Variants in TAPBP observed in about 807,000 individuals in gnomAD.
TAPBP encodes the protein TAP binding protein.
TAPBP carries 38 observed loss-of-function variants against 45.7 expected under a neutral mutation model. That is an observed-to-expected ratio of 0.83 (90% confidence interval 0.64 to 1.09). The LOEUF (loss-of-function observed/expected upper bound fraction) is 1.09, where lower values mean the gene tolerates loss of function less well. Among genes scored for constraint, TAPBP ranks in the 50% least tolerant of loss-of-function variants. The pLI is 0.00. For missense variants in TAPBP, 513 were observed against 587.3 expected, an observed-to-expected ratio of 0.87 and a Z score of 1.31; for synonymous variants, 226 against 254.8, an observed-to-expected ratio of 0.89 and a Z score of 1.08.
chr6:33,313,741 G>C lies in TAPBP; in HGVS notation c.161C>G (p.Pro54Arg), dbSNP rs139155669. The C allele has an allele frequency of 1.3e-4, 215 of 1,613,610 alleles. No homozygotes were observed. The African/African-American group carries it at 2.3e-3, about 17-fold the overall frequency. ...ALLLRQGPGEPPPRPDLDPEL... is the reference protein window; with the variant it reads ...ALLLRQGPGERPPRPDLDPEL... ...AGGGTCGAGGTCCGGCCGGGGCGGCGGTTCCCCCGGTCCCTGGCGCAACAG... is the reference window on the plus strand; with the variant it reads ...AGGGTCGAGGTCCGGCCGGGGCGGCCGTTCCCCCGGTCCCTGGCGCAACAG... The change falls in exon 2 of 8, where the codon CCG becomes CGG. Residue 54 changes from proline to arginine, a missense_variant. By Grantham distance (103) the Pro-to-Arg change is moderately radical. Coordinates refer to ENST00000434618, the MANE Select transcript of TAPBP (RefSeq NM_003190.5). This position sits in a 1 kb window ranked among gnomAD's most constrained non-coding sequence, Gnocchi z 7.2.
intron 3 of TAPBP, chr6:33,312,960 AC>A (rs1389356398): frequency 4.9e-6 from 2 of 405,604 alleles, no homozygotes; most frequent in Non-Finnish European, 8.6e-6. Flanking sequence ...CCAGAAAGTA[AC>A]CCCCCTGCCC....
At position 33,301,521 on chromosome 6, in the gene TAPBP, C is replaced by T. The variant is rs537349294; in HGVS notation, c.*239G>A. On this transcript the variant is annotated 3_prime_UTR_variant, in exon 8 of 8. Transcript: ENST00000434618. ...CCCAGGAGGCGGAGGTTGCAGTAAG[C>T]CAAGATCATGCCACTGCACTGCAGC... 1.9e-6 allele frequency: 1 copy of T among 527,064 alleles called. No individual in the cohort carries two copies. Among genetic ancestry groups the T allele is most frequent in the African/African-American group, 1.9e-5 (1 of 51,520 alleles). The allele number at this position is 527,064 out of a possible 1,614,324, so 32.6% of individuals were successfully genotyped here. A position where few individuals can be genotyped will look rare whatever the true frequency, so the allele number is the denominator to read the frequency against.
chr6:33,305,406 T>G lies in TAPBP; in HGVS notation c.470-19A>C. ...AGTACCACTGAGGAAGACAGGGAGA[T>G]GAGGGGTTGGGAGGGGCATGAGGGA... On this transcript the variant is annotated intron_variant, in intron 3 of 7. Coordinates refer to ENST00000434618, the MANE Select transcript of TAPBP (RefSeq NM_003190.5). This position sits in a 1 kb window ranked among gnomAD's most constrained non-coding sequence, Gnocchi z 4.4. 6.6e-7 allele frequency: 1 copy of G among 1,504,590 alleles called. No individual in the cohort carries two copies. Among genetic ancestry groups the G allele is most frequent in the Non-Finnish European group, 8.9e-7 (1 of 1,127,664 alleles). 93.2% of individuals were successfully genotyped at this position (1,504,590 alleles called of 1,614,324 possible).
rs1165121551 is a variant in TAPBP at position 33,305,594 on chromosome 6, G to T, written c.470-207C>A. 2.6e-5 allele frequency among the ~76,000 whole-genome samples: 4 copies of T among 152,126 alleles called. No homozygotes were observed. The highest frequency in any genetic ancestry group is 1.9e-4 in the East Asian group (1 of 5,198). On this transcript the variant is annotated intron_variant, in intron 3 of 7. Transcript: ENST00000434618. The surrounding 1 kb of genome is among the most constrained non-coding windows in gnomAD (Gnocchi z 4.4). ...TGGGTGGCACCTAGTGTGGCTGAGG[G>T]TGAGCAGAGAGGTCTAGGGGTGGTG...
At chr6:33,312,495 C>T (rs1769418812) in intron 3 of TAPBP, among the ~76,000 whole-genome samples, 1 of 152,226 alleles carries the variant, frequency 6.6e-6, no homozygotes, top group Non-Finnish European at 1.5e-5. Context: ...TCAGACTCTC[C>T]TCATTCTTGA....
chr6:33,303,580 G>A, intron 7 of TAPBP: 2 of 729,110 alleles, frequency 2.7e-6, no homozygotes, highest in East Asian at 5.5e-5. Flanking sequence ...TCTGACCCAA[G>A]CATTTCAGAT....
chr6:33,312,164 C>T (rs1769394657), intron 3 of TAPBP, among the ~76,000 whole-genome samples: 1 of 152,226 alleles, frequency 6.6e-6, no homozygotes, highest in Middle Eastern at 3.4e-3. Flanking sequence ...AGGAAATATT[C>T]CACCCCACCA....
chr6:33,304,664 T>C (rs767328934), intron 4 of TAPBP, 26 bp from the exon 5 acceptor site: 5 of 1,536,470 alleles, frequency 3.3e-6, no homozygotes, highest in South Asian at 1.2e-5. Flanking sequence ...GAAATGAGCA[T>C]AGGGAAATCA....
intron 3 of TAPBP, among the ~76,000 whole-genome samples, chr6:33,309,066 C>A (rs1014931247): frequency 6.8e-6 from 1 of 147,450 alleles, no homozygotes; most frequent in Non-Finnish European, 1.5e-5. Context: ...TTGTCAAAAT[C>A]CAGAAACATA....
At chr6:33,303,035 C>T (rs1169668160) in intron 7 of TAPBP, among the ~76,000 whole-genome samples, 1 of 152,144 alleles carries the variant, frequency 6.6e-6, no homozygotes, top group Non-Finnish European at 1.5e-5. Context: ...TGAAATGTTC[C>T]AAAACCTGAA....
intron 3 of TAPBP, chr6:33,308,021 C>T (rs1369296089): frequency 6.6e-6 from 1 of 152,624 alleles, no homozygotes; most frequent in Non-Finnish European, 1.5e-5. Context: ...TTAAAAGAAT[C>T]AAGTAAAATA....
At position 33,308,735 on chromosome 6, in the gene TAPBP, A is replaced by AT. The variant is rs113488780; in HGVS notation, c.470-3349dup. Among the ~76,000 whole-genome samples, 1,196 of 146,216 alleles carry AT rather than the reference A, an allele frequency of 8.2e-3. 12 individuals are homozygous for AT. Among genetic ancestry groups the AT allele is most frequent in the Middle Eastern group, 0.042 (12 of 286 alleles). On this transcript the variant is annotated intron_variant, in intron 3 of 7. Transcript: ENST00000434618. ...TTAAAACATTATGAGATTTTTTCAC[A>AT]TTTTTTTTTTTTAGCTTATCAGCCA...
chr6:33,313,664 T>C lies in TAPBP; in HGVS notation c.208+30A>G. 1.3e-6 allele frequency: 2 copies of C among 1,593,588 alleles called. No homozygotes were observed. The highest frequency in any genetic ancestry group is 2.3e-5 in the East Asian group (1 of 44,432). ...GGGGTTTCGGTGGAGGCGACAGAGGTAGGGGGGCGGCGAGTCCCTAGAGAC... is the reference window on the plus strand; with the variant it reads ...GGGGTTTCGGTGGAGGCGACAGAGGCAGGGGGGCGGCGAGTCCCTAGAGAC... On this transcript the variant is annotated intron_variant, in intron 2 of 7. Coordinates refer to ENST00000434618, the MANE Select transcript of TAPBP (RefSeq NM_003190.5). The surrounding 1 kb of genome is among the most constrained non-coding windows in gnomAD (Gnocchi z 7.2).
intron 3 of TAPBP, among the ~76,000 whole-genome samples, chr6:33,310,662 T>A (rs769446829): frequency 2.0e-5 from 3 of 150,530 alleles, no homozygotes; most frequent in Admixed American, 2.0e-4. Flanking sequence ...ACAAAAAAAA[T>A]ACAAAAATTA....
chr6:33,309,160 C>T (rs559797012), intron 3 of TAPBP, among the ~76,000 whole-genome samples: 1 of 151,260 alleles, frequency 6.6e-6, no homozygotes, highest in Admixed American at 6.6e-5. Flanking sequence ...TTTGGGAGGC[C>T]GAGGCCGGTG....
chr6:33,309,521 T>G (rs893696325), intron 3 of TAPBP, among the ~76,000 whole-genome samples: 1 of 150,192 alleles, frequency 6.7e-6, no homozygotes, highest in Non-Finnish European at 1.5e-5. Flanking sequence ...CTGGGCAACA[T>G]AGCAAGACCC....
chr6:33,313,304 T>A lies in TAPBP; in HGVS notation c.382A>T (p.Ile128Leu), dbSNP rs752087247. Reference protein sequence around the residue: ...ALDGAWLMVSISSPVLSLSSL... With the variant: ...ALDGAWLMVSLSSPVLSLSSL... The stretch of plus-strand genomic sequence containing the variant: ...GAGAGGCTGAGGACTGGGCTGGATA[T>A]GCTGACCATCAGCCAAGCCCCATCC... The change falls in exon 3 of 8, where the codon ATA (isoleucine) becomes TTA (leucine). Residue 128 changes from isoleucine (I) to leucine (L), a missense_variant. Coordinates refer to ENST00000434618, the MANE Select transcript of TAPBP (RefSeq NM_003190.5). This position sits in a 1 kb window ranked among gnomAD's most constrained non-coding sequence, Gnocchi z 7.2. 3 of 1,613,694 alleles carry A rather than the reference T, an allele frequency of 1.9e-6. No homozygotes were observed. In the South Asian group the frequency reaches 3.3e-5, roughly 18 times the overall value.
rs1363078449 is a variant in TAPBP, at chr6:33,305,008, G to A, written c.849C>T (p.Thr283=). 6.2e-7 allele frequency: 1 copy of A among 1,614,174 alleles called. No homozygotes were observed. Among genetic ancestry groups the A allele is most frequent in the Non-Finnish European group, 8.5e-7 (1 of 1,180,028 alleles). Residue 283 remains threonine (T), a synonymous_variant, in exon 4 of 8, where the codon ACC becomes ACT. Transcript: ENST00000434618. This position sits in a 1 kb window ranked among gnomAD's most constrained non-coding sequence, Gnocchi z 4.4. ...IHLPYLQGQV[T]LELAVYKPPK... ...ACTCACTGTACACAGCAAGCTCCAG[G>A]GTGACCTGTCCTTGCAGGTATGGCA...
intron 3 of TAPBP, among the ~76,000 whole-genome samples, chr6:33,309,366 C>T (rs902300783): frequency 1.4e-4 from 21 of 145,238 alleles, no homozygotes; most frequent in African/African-American, 5.2e-4. Flanking sequence ...GACTGGGCAA[C>T]AAGAGCAAAA....
Sources: gnomAD v4.1 joint callset for allele counts (sites outside exome capture counted in the v4.1 genomes callset) on GRCh38, gnomAD v4.1.1 for gene constraint, Gnocchi (gnomAD v3.1) non-coding constraint, MANE v1.5 for transcripts, NCBI Gene and HGNC (gene_info 2026-07-23, HGNC 2026-07-21) for gene names.